The following ATP5MJ variants were observed in gnomAD, a reference collection of about 807,000 sequenced individuals.
ATP5MJ encodes the protein ATP synthase membrane subunit j, also known as ATP synthase F(0) complex subunit j, mitochondrial.
A neutral mutation model predicts 8.3 loss-of-function variants in ATP5MJ; 4 were observed. That is an observed-to-expected ratio of 0.48 (90% CI 0.24 to 1.11). ATP5MJ has a LOEUF of 1.11. Among genes scored for constraint, ATP5MJ ranks in the 50% least tolerant of loss-of-function variants. The pLI is 0.18. For synonymous variants in ATP5MJ, 23 were observed against 21.3 expected, an observed-to-expected ratio of 1.08 and a Z score of -0.23; for missense variants, 66 against 71.8, an observed-to-expected ratio of 0.92 and a Z score of 0.29.
At chr14:103,918,643 G>C (rs917825487) in intron 1 of ATP5MJ, among the ~76,000 whole-genome samples, 4 of 151,956 alleles carry the variant, frequency 2.6e-5, no homozygotes, top group African/African-American at 9.7e-5. Flanking sequence ...TACAGGCGTG[G>C]GCCACCAGGC....
chr14:103,913,552 A>C, intron 3 of ATP5MJ: 1 of 264,342 alleles, frequency 3.8e-6, no homozygotes, highest in Admixed American at 5.3e-5. Flanking sequence ...CGGAGCTTGC[A>C]GTGAGCTGAG....
At chr14:103,915,303 C>T (rs746132558) in intron 1 of ATP5MJ, 114 bp from the exon 2 acceptor site, 60 of 1,227,676 alleles carry the variant, frequency 4.9e-5, no homozygotes, top group South Asian at 1.1e-4. Flanking sequence ...TAGGGAGCCT[C>T]GCCTGTGTCA....
chr14:103,915,354 CT>C (rs1046111556), intron 1 of ATP5MJ, among the ~76,000 whole-genome samples, 165 bp from the exon 2 acceptor site: 6 of 148,990 alleles, frequency 4.0e-5, no homozygotes, highest in African/African-American at 9.8e-5. Flanking sequence ...ACTCACACCT[CT>C]TTTTTTTTTA....
intron 3 of ATP5MJ, chr14:103,913,688 C>T (rs2087598904): frequency 7.2e-6 from 4 of 552,608 alleles, no homozygotes; most frequent in Non-Finnish European, 1.3e-5. Context: ...ACTTGTGCTT[C>T]CCTATTGGTG....
intron 1 of ATP5MJ, among the ~76,000 whole-genome samples, chr14:103,917,392 T>G (rs2087633736): frequency 7.3e-6 from 1 of 137,696 alleles, no homozygotes; most frequent in Non-Finnish European, 1.7e-5. Flanking sequence ...GCCATGTCAT[T>G]TAAGGGCCTT....
At chr14:103,913,321 A>C (rs985395761) in intron 3 of ATP5MJ, 2 of 143,468 alleles carry the variant, frequency 1.4e-5, no homozygotes, top group African/African-American at 5.0e-5. Flanking sequence ...CTCTGTCTCA[A>C]AAAAAAAAAA....
intron 1 of ATP5MJ, chr14:103,920,965 G>C (rs1257701186): frequency 6.4e-7 from 1 of 1,551,662 alleles, no homozygotes; most frequent in Non-Finnish European, 8.7e-7. Context: ...GGAAATGTCT[G>C]ACCCGCGAGT....
intron 1 of ATP5MJ, chr14:103,921,213 C>A: frequency 1.7e-6 from 1 of 597,070 alleles, no homozygotes; most frequent in South Asian, 2.0e-5. Flanking sequence ...CGCTCCCTGT[C>A]AAAACCGTGG....
At chr14:103,920,892 C>T in intron 1 of ATP5MJ, 1 of 1,373,248 alleles carries the variant, frequency 7.3e-7, no homozygotes, top group African/African-American at 1.4e-5. Context: ...ACTGTATCCA[C>T]TTAAGTCTGC....
At chr14:103,914,110 T>C (rs2087603730) in intron 2 of ATP5MJ, 126 bp from the exon 3 acceptor site, 2 of 824,772 alleles carry the variant, frequency 2.4e-6, no homozygotes, top group Non-Finnish European at 3.8e-6. Context: ...TTTCAGAAAA[T>C]GTCTTATAGC....
Position 103,912,574 on chromosome 14 carries a change from C to T in ATP5MJ, c.*92G>A. 1 of 1,279,966 alleles carries T rather than the reference C, an allele frequency of 7.8e-7. No individual in the cohort carries two copies. The allele number at this position is 1,279,966 out of a possible 1,614,324, so 79.3% of individuals were successfully genotyped here. ...AGTAAACGGTACTTATACAAGTGTA[C>T]AGTGACGTTCCACGCTCCCCATCTA... On this transcript the variant is annotated 3_prime_UTR_variant, in exon 4 of 4. Transcript: ENST00000286953.
rs752292086 is a variant in ATP5MJ, at chr14:103,914,481, T to A, written c.125-497A>T. On this transcript the variant is annotated intron_variant, in intron 2 of 3. Coordinates refer to ENST00000286953, the MANE Select transcript of ATP5MJ (RefSeq NM_004894.3). ...CTTTCACACCTAAGAAAACTCACAATTCTGATATTAAAGTCTTGTTCAAAG... is the reference window on the plus strand; with the variant it reads ...CTTTCACACCTAAGAAAACTCACAAATCTGATATTAAAGTCTTGTTCAAAG... 7.7e-6 allele frequency: 5 copies of A among 647,038 alleles called. No homozygotes were observed. The South Asian group carries it at 8.5e-5, about 11-fold the overall frequency. The allele number at this position is 647,038 out of a possible 1,614,324, so 40.1% of individuals were successfully genotyped here.
chr14:103,912,632 C>T lies in ATP5MJ; in HGVS notation c.*34G>A, dbSNP rs752872449. The T allele has an allele frequency of 1.7e-5, 27 of 1,610,850 alleles. No individual in the cohort carries two copies. Among genetic ancestry groups the T allele is most frequent in the East Asian group, 1.3e-4 (6 of 44,858 alleles). On this transcript the variant is annotated 3_prime_UTR_variant, in exon 4 of 4. Coordinates refer to ENST00000286953, the MANE Select transcript of ATP5MJ (RefSeq NM_004894.3). The stretch of plus-strand genomic sequence containing the variant: ...TTGCTGAAATTTACAGGCAGACTGA[C>T]GTTTTCTTTCACATGTACTCCAAGT...
chr14:103,919,621 G>A (rs528080696), intron 1 of ATP5MJ, among the ~76,000 whole-genome samples: 1 of 152,160 alleles, frequency 6.6e-6, no homozygotes. Flanking sequence ...CGGTAAGAAG[G>A]GACTAAAGAA....
chr14:103,919,908 C>G (rs1021259054), intron 1 of ATP5MJ, among the ~76,000 whole-genome samples: 2 of 151,908 alleles, frequency 1.3e-5, no homozygotes, highest in Admixed American at 6.6e-5. Context: ...CTCACTGCAA[C>G]CTCCGCCTCC....
chr14:103,912,545 A>G lies in ATP5MJ; in HGVS notation c.*121T>C, dbSNP rs1168145396. The G allele has an allele frequency of 5.9e-6, 6 of 1,020,886 alleles. No individual in the cohort carries two copies. The highest frequency in any genetic ancestry group is 1.6e-5 in the African/African-American group (1 of 62,240). The allele number at this position is 1,020,886 out of a possible 1,614,324, so 63.2% of individuals were successfully genotyped here. On this transcript the variant is annotated 3_prime_UTR_variant, in exon 4 of 4. Transcript: ENST00000286953. ...TCTCACAGATCCATTTATTCATGCC[A>G]TGAAGTAAACGGTACTTATACAAGT...
chr14:103,915,503 C>G (rs1214635160), intron 1 of ATP5MJ, among the ~76,000 whole-genome samples: 5 of 152,102 alleles, frequency 3.3e-5, no homozygotes, highest in Non-Finnish European at 5.9e-5. Flanking sequence ...CGTGCCACCA[C>G]GCCTGGCTAA....
chr14:103,921,121 C>CA (rs537410702), intron 1 of ATP5MJ: 898 of 1,301,744 alleles, frequency 6.9e-4, no homozygotes, highest in Non-Finnish European at 9.1e-4. Context: ...GATGTGGAGT[C>CA]AGAGTTCTTG....
rs566276365 is a variant in ATP5MJ, at chr14:103,915,116, C to G, written c.74G>C (p.Trp25Ser). 9.0e-5 allele frequency: 146 copies of G among 1,614,074 alleles called. 3 individuals are homozygous for G. In the South Asian group the frequency reaches 1.6e-3, roughly 17 times the overall value. ...PYYTKVYQEI[W>S]IGMGLMGFIV... ...GAAGCCCATCAGCCCCATTCCTATC[C>G]AAATCTCCTGGTAAACTTTGGTGTA... Residue 25 changes from tryptophan to serine, a missense_variant, in exon 2 of 4, where the codon TGG becomes TCG. By Grantham distance (177) the Trp-to-Ser change is radical (BLOSUM62 -3). Coordinates refer to ENST00000286953, the MANE Select transcript of ATP5MJ (RefSeq NM_004894.3).
Sources: allele counts gnomAD v4.1 joint callset (sites outside exome capture counted in the v4.1 genomes callset), GRCh38; gene constraint gnomAD v4.1.1; transcripts MANE v1.5; gene names NCBI Gene and HGNC (gene_info 2026-07-23, HGNC 2026-07-21).